The following EPHA6 variants were observed in gnomAD, a reference collection of about 807,000 sequenced individuals.
EPHA6 encodes ephrin type-A receptor 6.
EPHA6 carries 50 observed loss-of-function variants against 112.0 expected under a neutral mutation model. The ratio of observed to expected loss-of-function variants is 0.45; its 90% confidence interval spans 0.36 to 0.56. EPHA6 has a LOEUF of 0.56. Ranked by LOEUF, EPHA6 falls within the 20% of genes least tolerant of loss-of-function variation. EPHA6 has a pLI of 0.00. For synonymous variants in EPHA6, 529 were observed against 490.7 expected, an observed-to-expected ratio of 1.08 and a Z score of -1.03; for missense variants, 1,280 against 1,417.4, an observed-to-expected ratio of 0.90 and a Z score of 1.56.
At chr3:97,338,279 C>T (rs950851702) in intron 5 of EPHA6, among the ~76,000 whole-genome samples, 4 of 151,980 alleles carry the variant, frequency 2.6e-5, no homozygotes, top group Non-Finnish European at 4.4e-5. Flanking sequence ...AATTAAAGCT[C>T]GATAAATGAA....
At chr3:97,045,957 G>A (rs1043631499) in intron 3 of EPHA6, among the ~76,000 whole-genome samples, 1 of 152,070 alleles carries the variant, frequency 6.6e-6, no homozygotes. Flanking sequence ...AAATCATAGT[G>A]TAAAACAGAT....
chr3:97,298,275 G>C (rs912484599), intron 5 of EPHA6, among the ~76,000 whole-genome samples: 6 of 152,138 alleles, frequency 3.9e-5, no homozygotes, highest in African/African-American at 1.4e-4. Context: ...TTTCAATAAA[G>C]CTTTCTGGTT....
At chr3:97,501,060 T>C (rs999955266) in intron 10 of EPHA6, among the ~76,000 whole-genome samples, 2 of 152,156 alleles carry the variant, frequency 1.3e-5, no homozygotes, top group African/African-American at 4.8e-5. Context: ...TAGTTTCCTG[T>C]ACCTCTCAAA....
At chr3:97,353,142 A>G (rs1482134490) in intron 5 of EPHA6, among the ~76,000 whole-genome samples, 1 of 151,976 alleles carries the variant, frequency 6.6e-6, no homozygotes, top group Non-Finnish European at 1.5e-5. Context: ...CATCAGTGGT[A>G]CCAAGGCAGT....
intron 2 of EPHA6, among the ~76,000 whole-genome samples, chr3:96,979,803 G>T: frequency 6.6e-6 from 1 of 152,164 alleles, no homozygotes; most frequent in East Asian, 1.9e-4. Flanking sequence ...GATGGCCAGT[G>T]ATGATGAGCA....
chr3:96,856,812 A>G (rs182693200), intron 1 of EPHA6, among the ~76,000 whole-genome samples: 10 of 152,218 alleles, frequency 6.6e-5, no homozygotes, highest in Non-Finnish European at 1.2e-4. Flanking sequence ...GGTCTTTTGA[A>G]TGGATTTACC....
chr3:97,632,105 A>G (rs2093908133), intron 13 of EPHA6, among the ~76,000 whole-genome samples: 1 of 152,052 alleles, frequency 6.6e-6, no homozygotes, highest in Non-Finnish European at 1.5e-5. Flanking sequence ...AGTGTAGTCA[A>G]CACTTCAGTA....
intron 3 of EPHA6, among the ~76,000 whole-genome samples, chr3:97,106,155 G>T (rs775939185): frequency 1.5e-4 from 23 of 152,056 alleles, no homozygotes; most frequent in Admixed American, 3.9e-4. Context: ...GAAATGCTTA[G>T]AAAGATTAAT....
chr3:97,349,965 T>G (rs1173362500), intron 5 of EPHA6, among the ~76,000 whole-genome samples: 1 of 152,028 alleles, frequency 6.6e-6, no homozygotes. Flanking sequence ...ATCTTTTTTT[T>G]TTTTCTTTTT....
intron 2 of EPHA6, among the ~76,000 whole-genome samples, chr3:96,886,392 T>A (rs956662824): frequency 6.6e-6 from 1 of 152,198 alleles, no homozygotes; most frequent in African/African-American, 2.4e-5. Flanking sequence ...ATTGTGATAT[T>A]TTCCTCTTGG....
intron 3 of EPHA6, among the ~76,000 whole-genome samples, chr3:97,096,205 G>T (rs530615452): frequency 6.6e-6 from 1 of 151,456 alleles, no homozygotes; most frequent in African/African-American, 2.4e-5. Flanking sequence ...TGCAAAATGT[G>T]TATGTGTGTG....
At chr3:97,297,453 G>T (rs906274686) in intron 5 of EPHA6, among the ~76,000 whole-genome samples, 1 of 152,102 alleles carries the variant, frequency 6.6e-6, no homozygotes, top group African/African-American at 2.4e-5. Context: ...ATTTTTAGGT[G>T]AATCTCTTCT....
intron 11 of EPHA6, chr3:97,560,655 A>G (rs1577781354): frequency 6.6e-6 from 1 of 152,216 alleles, no homozygotes; most frequent in East Asian, 1.9e-4. Context: ...ATTCATTTTG[A>G]AGAAAAGGAC....
At chr3:97,375,366 T>A (rs910922499) in intron 5 of EPHA6, among the ~76,000 whole-genome samples, 5 of 152,176 alleles carry the variant, frequency 3.3e-5, no homozygotes, top group Non-Finnish European at 7.4e-5. Flanking sequence ...CAATTATTAG[T>A]GTTTTAAACT....
At chr3:96,827,014 C>T (rs552490771) in intron 1 of EPHA6, among the ~76,000 whole-genome samples, 106 of 152,140 alleles carry the variant, frequency 7.0e-4, no homozygotes, top group Non-Finnish European at 1.2e-3. Context: ...AATTCAGTCA[C>T]CTAATATACA....
chr3:97,373,249 C>T (rs1236481016), intron 5 of EPHA6, among the ~76,000 whole-genome samples: 1 of 152,062 alleles, frequency 6.6e-6, no homozygotes, highest in Non-Finnish European at 1.5e-5. Context: ...TAGGTACAAA[C>T]ATTTTGGATG....
chr3:97,748,040 A>G (rs1048370518), intron 17 of EPHA6, among the ~76,000 whole-genome samples: 11 of 152,204 alleles, frequency 7.2e-5, no homozygotes, highest in Middle Eastern at 3.4e-3. Flanking sequence ...ACATGTGCTT[A>G]AAAGACTAAA....
At chr3:97,271,390 G>A (rs1272931086) in intron 5 of EPHA6, among the ~76,000 whole-genome samples, 1 of 152,138 alleles carries the variant, frequency 6.6e-6, no homozygotes, top group Non-Finnish European at 1.5e-5. Flanking sequence ...ACGGAGTCTC[G>A]CTCTGTCACC....
At chr3:97,330,782 C>A (rs535326610) in intron 5 of EPHA6, among the ~76,000 whole-genome samples, 2 of 152,138 alleles carry the variant, frequency 1.3e-5, no homozygotes, top group South Asian at 4.2e-4. Context: ...CTTAGACTCC[C>A]AAAGAATAAT....
Sources: allele counts gnomAD v4.1 joint callset (sites outside exome capture counted in the v4.1 genomes callset), GRCh38; gene constraint gnomAD v4.1.1; transcripts MANE v1.5; gene names NCBI Gene and HGNC (gene_info 2026-07-23, HGNC 2026-07-21).